Variants in TANC2 observed in about 807,000 individuals in gnomAD.
TANC2 encodes tetratricopeptide repeat, ankyrin repeat and coiled-coil containing 2.
TANC2 carries 26 observed loss-of-function variants against 210.5 expected under a neutral mutation model. The observed-to-expected ratio is 0.12, with a 90% confidence interval of 0.09 to 0.17. The LOEUF (loss-of-function observed/expected upper bound fraction) is 0.17, where lower values mean the gene tolerates loss of function less well. Among genes scored for constraint, TANC2 ranks in the 10% least tolerant of loss-of-function variants. TANC2 has a pLI of 1.00. For synonymous variants in TANC2, 931 were observed against 967.1 expected, an observed-to-expected ratio of 0.96 and a Z score of 0.69; for missense variants, 2,129 against 2,608.9, an observed-to-expected ratio of 0.82 and a Z score of 4.01.
intron 1 of TANC2, chr17:63,004,758 G>A: frequency 8.8e-6 from 3 of 339,308 alleles, no homozygotes; most frequent in South Asian, 2.9e-5. Flanking sequence ...CTCTGTTTTG[G>A]CATTTCCATT....
chr17:63,062,495 T>G (rs891180102), intron 2 of TANC2, among the ~76,000 whole-genome samples: 2 of 152,224 alleles, frequency 1.3e-5, no homozygotes, highest in Admixed American at 6.5e-5. Flanking sequence ...TTCTGAACTT[T>G]CTACTGCAGG....
intron 3 of TANC2, among the ~76,000 whole-genome samples, chr17:63,087,505 T>C (rs1255854870): frequency 6.6e-6 from 1 of 152,182 alleles, no homozygotes; most frequent in Non-Finnish European, 1.5e-5. Context: ...AAGTTTGGTA[T>C]TTTTCTTTCA....
chr17:63,186,022 C>T (rs1285592627), intron 5 of TANC2, among the ~76,000 whole-genome samples: 2 of 152,116 alleles, frequency 1.3e-5, no homozygotes, highest in Non-Finnish European at 1.5e-5. Flanking sequence ...ACTAAAAGGT[C>T]GTTTTCCAGA....
rs1340462858 is a variant in TANC2, at chr17:63,393,773, A to AT, written c.3052-1968dup. ...TGCAGTAAGTATTATTATTATTATT[A>AT]TTATTTTTTTTTTTTGAGAGGAGTT... On this transcript the variant is annotated intron_variant, in intron 17 of 27. Coordinates refer to ENST00000689528, the Ensembl canonical transcript of TANC2. Among the ~76,000 whole-genome samples, 584 of 125,638 alleles carry AT rather than the reference A, an allele frequency of 4.6e-3. 3 individuals carry two copies. The highest frequency in any genetic ancestry group is 0.014 in the African/African-American group (513 of 35,776). The allele number at this position is 125,638 out of a possible 152,430, so 82.4% of individuals were successfully genotyped here.
chr17:63,169,025 G>A (rs181055031), intron 5 of TANC2, among the ~76,000 whole-genome samples: 18 of 152,296 alleles, frequency 1.2e-4, no homozygotes, highest in Admixed American at 1.1e-3. Flanking sequence ...TAAATGTGAA[G>A]TTGCTTTGGA....
intron 10 of TANC2, among the ~76,000 whole-genome samples, chr17:63,318,681 A>G (rs2045392979): frequency 6.6e-6 from 1 of 151,960 alleles, no homozygotes; most frequent in South Asian, 2.1e-4. Context: ...TCGGTATCTC[A>G]TTTCTTTTTA....
chr17:63,248,095 A>G (rs1020977640), intron 8 of TANC2, among the ~76,000 whole-genome samples: 1 of 152,020 alleles, frequency 6.6e-6, no homozygotes, highest in Non-Finnish European at 1.5e-5. Context: ...TAAAACCACA[A>G]CCTCTGGTAG....
chr17:63,128,798 A>C (rs1323533916), intron 4 of TANC2, among the ~76,000 whole-genome samples: 1 of 152,216 alleles, frequency 6.6e-6, no homozygotes, highest in Non-Finnish European at 1.5e-5. Context: ...AATTTGTGGA[A>C]TAGACCTGTG....
intron 4 of TANC2, among the ~76,000 whole-genome samples, chr17:63,115,965 G>A (rs1204891613): frequency 6.6e-6 from 1 of 152,032 alleles, no homozygotes; most frequent in Non-Finnish European, 1.5e-5. Context: ...TTTTACTGAG[G>A]TTCTTCATTT....
At chr17:63,381,211 A>T (rs941057890) in intron 15 of TANC2, 5 of 152,206 alleles carry the variant, frequency 3.3e-5, no homozygotes, top group Non-Finnish European at 7.3e-5. Flanking sequence ...TTTATCCCAT[A>T]CATGGAAACG....
intron 4 of TANC2, among the ~76,000 whole-genome samples, chr17:63,140,863 C>T (rs1251281566): frequency 6.6e-6 from 1 of 152,090 alleles, no homozygotes; most frequent in Non-Finnish European, 1.5e-5. Context: ...TCTGCTGCTG[C>T]AGCCTCCCGA....
Position 62,966,361 on chromosome 17 carries a change from C to A in TANC2, c.-412C>A, listed in dbSNP as rs577046665. 6.8e-6 allele frequency among the ~76,000 whole-genome samples: 1 copy of A among 147,276 alleles called. No individual in the cohort carries two copies. Among genetic ancestry groups the A allele is most frequent in the South Asian group, 2.1e-4 (1 of 4,824 alleles). ...GGGAAGCTGCGAGCGCTCCGAGCGC[C>A]CGGCCTAGGGCCGCTGGCGCTGCCC... On this transcript the variant is annotated 5_prime_UTR_variant, in exon 1 of 28. Transcript: ENST00000689528. This position sits in a 1 kb window ranked among gnomAD's most constrained non-coding sequence, Gnocchi z 5.1.
intron 1 of TANC2, 60 bp from the exon 2 acceptor site, chr17:63,009,477 C>T: frequency 8.8e-7 from 1 of 1,141,224 alleles, no homozygotes; most frequent in Non-Finnish European, 1.3e-6. Context: ...CTATAGTCAC[C>T]CTCTTATGCT....
rs571709962 is a variant in TANC2, at chr17:63,172,505, AC to A, written c.433+21126del. Among the ~76,000 whole-genome samples, 29 of 152,046 alleles carry A rather than the reference AC, an allele frequency of 1.9e-4. No homozygotes were observed. In the East Asian group the frequency reaches 5.4e-3, roughly 28 times the overall value. The stretch of plus-strand genomic sequence containing the variant: ...CCATCACAGCATTTTTCTAATGAAA[AC>A]TTTTAATAACTGCAGTCCCTCAGTC... On this transcript the variant is annotated intron_variant, in intron 5 of 27. Coordinates refer to ENST00000689528, the Ensembl canonical transcript of TANC2.
chr17:63,407,450 C>T (rs1010417233), intron 21 of TANC2, among the ~76,000 whole-genome samples: 1 of 152,194 alleles, frequency 6.6e-6, no homozygotes, highest in Non-Finnish European at 1.5e-5. Flanking sequence ...CCACTGATAA[C>T]CTTTAGATAG....
chr17:63,388,705 G>T lies in TANC2; in HGVS notation c.2762G>T (p.Gly921Val), dbSNP rs754333999. Residue 921 changes from glycine (G) to valine (V), a missense_variant, in exon 16 of 28, where the codon GGT becomes GTT. Around this residue, in one of 5 missense-constraint regions of TANC2, gnomAD observed 644 missense variants for 937.5 expected, o/e 0.69. Transcript: ENST00000689528. ...CTCTGGATCTCTTATAGCACAGAAG[G>T]TCTTTCCATGGCACTGGCGTCTTTA... 7.5e-6 allele frequency: 12 copies of T among 1,600,312 alleles called. No individual in the cohort carries two copies. In the South Asian group the frequency reaches 1.4e-4, roughly 18 times the overall value.
chr17:63,063,201 C>T (rs111790262), intron 2 of TANC2, among the ~76,000 whole-genome samples: 77 of 152,270 alleles, frequency 5.1e-4, no homozygotes, highest in Admixed American at 9.2e-4. Context: ...ATAAAGAGCC[C>T]GGAGCTTCCA....
At chr17:63,056,029 G>A (rs1038105274) in intron 2 of TANC2, among the ~76,000 whole-genome samples, 4 of 104,452 alleles carry the variant, frequency 3.8e-5, no homozygotes, top group Admixed American at 1.1e-4. Flanking sequence ...ATATATGCCA[G>A]GGGTGGTGGC....
intron 1 of TANC2, among the ~76,000 whole-genome samples, chr17:63,008,546 G>A (rs2033727732): frequency 6.6e-6 from 1 of 152,148 alleles, no homozygotes; most frequent in Admixed American, 6.6e-5. Context: ...GGAGTAAAGA[G>A]TGGGACTTTC....
Sources: allele counts gnomAD v4.1 joint callset (sites outside exome capture counted in the v4.1 genomes callset), GRCh38; gene constraint gnomAD v4.1.1; regional missense constraint gnomAD v4.1.1; non-coding constraint Gnocchi (gnomAD v3.1); transcripts MANE v1.5; gene names NCBI Gene and HGNC (gene_info 2026-07-23, HGNC 2026-07-21).